Variants in GALNT13 observed in about 807,000 individuals in gnomAD.
The protein encoded by GALNT13 is UDP-GalNAc:polypeptide N-acetylgalactosaminyltransferase 13.
Under a neutral mutation model 64.2 loss-of-function variants are expected in GALNT13, and 28 were observed. That is an observed-to-expected ratio of 0.44 (90% CI 0.32 to 0.60). GALNT13 has a LOEUF of 0.60. GALNT13 is among the 20% of genes least tolerant of loss of function. GALNT13 has a pLI of 0.05. For synonymous variants in GALNT13, 214 were observed against 224.6 expected, an observed-to-expected ratio of 0.95 and a Z score of 0.42; for missense variants, 577 against 669.8, an observed-to-expected ratio of 0.86 and a Z score of 1.53.
chr2:153,257,455 A>C, the GALNT13 span, among the ~76,000 whole-genome samples: 3 of 152,024 alleles, frequency 2.0e-5, no homozygotes, highest in Non-Finnish European at 4.4e-5. Flanking sequence ...AGCTGTTCCT[A>C]TTCAGCCATC....
chr2:154,284,414 TC>T lies in GALNT13; in HGVS notation c.976-16993del, dbSNP rs529119071. Among the ~76,000 whole-genome samples, 165 of 152,190 alleles carry T rather than the reference TC, an allele frequency of 1.1e-3. 1 individual carries two copies. The highest frequency in any genetic ancestry group is 1.9e-3 in the Non-Finnish European group (128 of 67,992). ...CTTAGCATAATGTGCTCCAGTTCCA[TC>T]CATATTATCACAAATAACATAATTC... is the stretch of plus-strand genomic sequence containing the variant. On this transcript the variant is annotated intron_variant, in intron 8 of 12. Coordinates refer to ENST00000392825, the MANE Select transcript of GALNT13 (RefSeq NM_052917.4).
chr2:153,630,787 A>T, the GALNT13 span, among the ~76,000 whole-genome samples: 7 of 10,708 alleles, frequency 6.5e-4, 1 homozygote, highest in Non-Finnish European at 9.3e-4. Context: ...ATATATATAT[A>T]TATATATATA....
At chr2:153,703,608 G>A in the GALNT13 span, among the ~76,000 whole-genome samples, 1 of 152,064 alleles carries the variant, frequency 6.6e-6, no homozygotes, top group Admixed American at 6.5e-5. Flanking sequence ...AACATCTCTT[G>A]TTAGGATTTT....
the GALNT13 span, among the ~76,000 whole-genome samples, chr2:153,565,046 C>G: frequency 6.6e-6 from 1 of 152,074 alleles, no homozygotes; most frequent in Non-Finnish European, 1.5e-5. Flanking sequence ...ATGCAGATTT[C>G]TACTTCAGTG....
chr2:154,040,107 A>G lies in GALNT13; in HGVS notation c.142+95468A>G, dbSNP rs542755106. ...CTACTACATATCTGTCAGACACTTG[A>G]TAAGTGTTGAATGCACAGTGTCACG... On this transcript the variant is annotated intron_variant, in intron 3 of 12. Coordinates refer to ENST00000392825, the MANE Select transcript of GALNT13 (RefSeq NM_052917.4). Among the ~76,000 whole-genome samples the G allele has an allele frequency of 2.9e-4, 41 of 141,060 alleles. 8 individuals are homozygous for G. The highest frequency in any genetic ancestry group is 6.4e-4 in the Non-Finnish European group (39 of 61,356). 92.5% of individuals were successfully genotyped at this position (141,060 alleles called of 152,430 possible).
chr2:153,246,255 C>A, the GALNT13 span, among the ~76,000 whole-genome samples: 1 of 152,116 alleles, frequency 6.6e-6, no homozygotes, highest in African/African-American at 2.4e-5. Flanking sequence ...ACTTCCCCAA[C>A]CTAGCAAGAC....
At chr2:153,209,300 C>T in the GALNT13 span, among the ~76,000 whole-genome samples, 254 of 152,002 alleles carry the variant, frequency 1.7e-3, no homozygotes, top group African/African-American at 5.9e-3. Context: ...TTTTTTTCCT[C>T]GCCCTGTCTT....
chr2:154,185,271 A>G (rs6707258), intron 4 of GALNT13, among the ~76,000 whole-genome samples: 19,958 of 151,958 alleles, frequency 0.13, 1,543 homozygotes, highest in East Asian at 0.34. Flanking sequence ...ACTGCTTTCA[A>G]AATTCTCTCT....
the GALNT13 span, among the ~76,000 whole-genome samples, chr2:153,222,327 T>TGGGGGGGGGGGGGGGGGGGGGGGGGGGGG: frequency 1.0e-5 from 1 of 95,582 alleles, no homozygotes; most frequent in Non-Finnish European, 2.1e-5. Context: ...GGGGGGGGGG[T>TGGGGGGGGGGGGGGGGGGGGGGGGGGGGG]GGGGTGGGGG....
the GALNT13 span, among the ~76,000 whole-genome samples, chr2:153,200,395 T>A: frequency 6.6e-6 from 1 of 152,232 alleles, no homozygotes; most frequent in Non-Finnish European, 1.5e-5. Flanking sequence ...CAAAGTGTAG[T>A]GAGCATTTCA....
the GALNT13 span, among the ~76,000 whole-genome samples, chr2:153,253,913 A>G: frequency 1.3e-5 from 2 of 152,180 alleles, no homozygotes; most frequent in African/African-American, 4.8e-5. Context: ...CATCAAGGAT[A>G]TTGGTCTAAA....
At chr2:154,440,416 G>A (rs1443557378) in intron 12 of GALNT13, among the ~76,000 whole-genome samples, 2 of 151,544 alleles carry the variant, frequency 1.3e-5, no homozygotes, top group Non-Finnish European at 2.9e-5. Flanking sequence ...TCAGCTAGTA[G>A]CAATGCTATT....
rs536290181 is a variant in GALNT13 at position 154,341,777 on chromosome 2, A to G, written c.1156+40188A>G. 4.6e-5 allele frequency among the ~76,000 whole-genome samples: 7 copies of G among 152,222 alleles called. No homozygotes were observed. In the East Asian group the frequency reaches 1.4e-3, roughly 29 times the overall value. ...TGTAAGAAATCACTCTGAATCCTCTATGGAAAATAGACTGTAAATAGCTGA... is the reference window on the plus strand; with the variant it reads ...TGTAAGAAATCACTCTGAATCCTCTGTGGAAAATAGACTGTAAATAGCTGA... On this transcript the variant is annotated intron_variant, in intron 9 of 12. Transcript: ENST00000392825.
At chr2:154,193,795 A>G (rs1401513221) in intron 4 of GALNT13, among the ~76,000 whole-genome samples, 6 of 152,180 alleles carry the variant, frequency 3.9e-5, no homozygotes, top group Admixed American at 3.9e-4. Flanking sequence ...ACCTCTGACT[A>G]TCTATACTGT....
At chr2:154,422,556 A>G (rs138517535) in intron 11 of GALNT13, among the ~76,000 whole-genome samples, 76 of 152,308 alleles carry the variant, frequency 5.0e-4, no homozygotes, top group African/African-American at 1.6e-3. Flanking sequence ...ATGAAAACCT[A>G]CCAGATAGAC....
intron 8 of GALNT13, among the ~76,000 whole-genome samples, chr2:154,267,005 A>G (rs1271586747): frequency 6.6e-6 from 1 of 152,106 alleles, no homozygotes; most frequent in African/African-American, 2.4e-5. Flanking sequence ...ATAAAGACAG[A>G]CAAAGGAACA....
At chr2:153,260,342 G>A in the GALNT13 span, among the ~76,000 whole-genome samples, 24 of 152,162 alleles carry the variant, frequency 1.6e-4, no homozygotes, top group South Asian at 4.6e-3. Context: ...CCCTTTTCTT[G>A]CAGATTGAAG....
the GALNT13 span, among the ~76,000 whole-genome samples, chr2:153,833,376 C>T: frequency 6.6e-6 from 1 of 152,034 alleles, no homozygotes; most frequent in African/African-American, 2.4e-5. Flanking sequence ...CTAAGATCTA[C>T]AGTAAGAACA....
At chr2:153,321,972 T>TTTTGTG in the GALNT13 span, among the ~76,000 whole-genome samples, 1 of 149,206 alleles carries the variant, frequency 6.7e-6, no homozygotes, top group Non-Finnish European at 1.5e-5. Context: ...GTGTGTAAAG[T>TTTTGTG]TGTGTGTGTG....
Sources: allele counts gnomAD v4.1 joint callset (sites outside exome capture counted in the v4.1 genomes callset), GRCh38; gene constraint gnomAD v4.1.1; transcripts MANE v1.5; gene names NCBI Gene and HGNC (gene_info 2026-07-23, HGNC 2026-07-21).